Variants in ABCC9 observed in about 807,000 individuals in gnomAD.
ABCC9 encodes ATP-binding cassette sub-family C member 9.
ABCC9 carries 95 observed loss-of-function variants against 188.3 expected under a neutral mutation model. That is an observed-to-expected ratio of 0.50 (90% confidence interval 0.43 to 0.60). The LOEUF (loss-of-function observed/expected upper bound fraction) is 0.60, where lower values mean the gene tolerates loss of function less well. Among genes scored for constraint, ABCC9 ranks in the 20% least tolerant of loss-of-function variants. The pLI is 0.00. For missense variants in ABCC9, 1,102 were observed against 1,876.3 expected (o/e 0.59, Z 7.62); for synonymous variants, 659 against 652.7 (o/e 1.01, Z -0.15).
At chr12:21,801,514 C>T (rs1462583612) in intron 39 of ABCC9, among the ~76,000 whole-genome samples, 1 of 152,034 alleles carries the variant, frequency 6.6e-6, no homozygotes, top group African/African-American at 2.4e-5. Context: ...CATTGTAAAC[C>T]AGTTGGGTTA....
intron 22 of ABCC9, 66 bp from the exon 23 acceptor site, chr12:21,852,571 C>T (rs1304156269): frequency 3.2e-6 from 5 of 1,566,210 alleles, no homozygotes; most frequent in Non-Finnish European, 2.6e-6. Context: ...CAATTCCTCT[C>T]GAAAATAGTA....
At chr12:21,891,262 A>G (rs529700847) in intron 14 of ABCC9, among the ~76,000 whole-genome samples, 67 of 152,342 alleles carry the variant, frequency 4.4e-4, no homozygotes, top group African/African-American at 1.5e-3. Context: ...GAGATGAGTA[A>G]AATGGTGGTA....
At chr12:21,807,679 A>C (rs369599956) in intron 37 of ABCC9, among the ~76,000 whole-genome samples, 200 bp from the exon 38 acceptor site, 1 of 152,212 alleles carries the variant, frequency 6.6e-6, no homozygotes, top group African/African-American at 2.4e-5. Flanking sequence ...CTCATTTATG[A>C]CAATAGGTAG....
rs2137919655 is a variant in ABCC9, at chr12:21,915,649, A to T, written c.816+19T>A. 1.2e-6 allele frequency: 2 copies of T among 1,610,800 alleles called. No individual in the cohort carries two copies. Among genetic ancestry groups the T allele is most frequent in the East Asian group, 4.5e-5 (2 of 44,714 alleles). On this transcript the variant is annotated intron_variant, in intron 7 of 39. Transcript: ENST00000261200. ...CCATTCTCTGTAATTAAGCACATGG[A>T]AGACAGACGCTAAATCACCTTTTGT...
chr12:21,818,666 G>T (rs181951764), intron 31 of ABCC9, among the ~76,000 whole-genome samples: 620 of 125,194 alleles, frequency 5.0e-3, no homozygotes, highest in African/African-American at 0.018. Context: ...TTTTTTTTCC[G>T]ACTTTCTACT....
chr12:21,910,115 T>A, intron 10 of ABCC9, 42 bp downstream of exon 10: 1 of 1,565,220 alleles, frequency 6.4e-7, no homozygotes. Flanking sequence ...TTTGTTTTAT[T>A]TCCTCTGCAG....
chr12:21,889,378 T>A (rs1049976117), intron 14 of ABCC9, among the ~76,000 whole-genome samples: 2 of 152,196 alleles, frequency 1.3e-5, no homozygotes, highest in African/African-American at 4.8e-5. Context: ...TTATTTCTTC[T>A]TCACTTTTAC....
chr12:21,935,249 T>TA (rs1208993179), intron 3 of ABCC9, among the ~76,000 whole-genome samples: 2 of 152,174 alleles, frequency 1.3e-5, no homozygotes, highest in East Asian at 3.9e-4. Context: ...TCCATTTTTC[T>TA]ACTTTTGGCC....
rs1257938075 is a variant in ABCC9, at chr12:21,941,021, C to G, written c.-137+179G>C. ...ACCTGATCCCCACCCCTTCACTTCTCGAGCCGGGCCTCGTCCCTTAATTCT... is the reference window on the plus strand; with the variant it reads ...ACCTGATCCCCACCCCTTCACTTCTGGAGCCGGGCCTCGTCCCTTAATTCT... On this transcript the variant is annotated intron_variant, in intron 1 of 39. Transcript: ENST00000261200. The surrounding 1 kb of genome is among the most constrained non-coding windows in gnomAD (Gnocchi z 5.4). Among the ~76,000 whole-genome samples the G allele has an allele frequency of 1.3e-5, 2 of 152,308 alleles. No individual in the cohort carries two copies. The highest frequency in any genetic ancestry group is 2.1e-4 in the South Asian group (1 of 4,824).
chr12:21,838,209 C>T (rs1201741738), intron 29 of ABCC9, 39 bp from the exon 30 acceptor site: 1 of 1,337,224 alleles, frequency 7.5e-7, no homozygotes, highest in Non-Finnish European at 1.1e-6. Flanking sequence ...TCATGTGCAT[C>T]CAGACTCAAA....
intron 2 of ABCC9, among the ~76,000 whole-genome samples, chr12:21,938,979 T>C (rs1356924498): frequency 1.3e-5 from 2 of 152,232 alleles, no homozygotes; most frequent in Admixed American, 6.5e-5. Context: ...AACTACGTGC[T>C]AGTTACTAGG....
chr12:21,920,263 AAAAAG>A (rs1222000270), intron 5 of ABCC9, among the ~76,000 whole-genome samples: 1 of 152,064 alleles, frequency 6.6e-6, no homozygotes, highest in African/African-American at 2.4e-5. Context: ...AAGAAAAAGA[AAAAAG>A]AAGGCATAAA....
At chr12:21,886,109 ACTTC>A (rs942827854) in intron 15 of ABCC9, among the ~76,000 whole-genome samples, 10 of 152,156 alleles carry the variant, frequency 6.6e-5, no homozygotes, top group Admixed American at 2.0e-4. Context: ...TTTTTTAGAC[ACTTC>A]CTTCAAGAAA....
chr12:21,910,404 T>A lies in ABCC9; in HGVS notation c.1165-92A>T, dbSNP rs113262083. Reference sequence around the variant, plus strand: ...CTGAAAATAAATAACAAACATTTAATTTTTTTGAGAAAAAAGAAAAGAAAA... The same window carrying A: ...CTGAAAATAAATAACAAACATTTAAATTTTTTGAGAAAAAAGAAAAGAAAA... On this transcript the variant is annotated intron_variant, in intron 9 of 39. Transcript: ENST00000261200. 3.8e-5 allele frequency: 49 copies of A among 1,297,492 alleles called. 1 individual carries two copies. In the South Asian group the frequency reaches 6.5e-4, roughly 17 times the overall value. 80.4% of individuals were successfully genotyped at this position (1,297,492 alleles called of 1,614,324 possible).
intron 31 of ABCC9, among the ~76,000 whole-genome samples, chr12:21,819,063 A>G (rs1412528170): frequency 6.6e-6 from 1 of 152,170 alleles, no homozygotes; most frequent in African/African-American, 2.4e-5. Context: ...ACAATTCTTT[A>G]ATAACAGCCA....
chr12:21,872,742 A>G lies in ABCC9; in HGVS notation c.2093-12T>C. The stretch of plus-strand genomic sequence containing the variant: ...CATGGTTAACTGACCTAGGAAAGCA[A>G]AACAAAGGATAACTACAGAATGAGA... On this transcript the variant is annotated splice_polypyrimidine_tract_variant and intron_variant, in intron 17 of 39. Transcript: ENST00000261200. The G allele has an allele frequency of 6.4e-7, 1 of 1,566,614 alleles. No homozygotes were observed. Among genetic ancestry groups the G allele is most frequent in the Non-Finnish European group, 8.8e-7 (1 of 1,136,726 alleles).
intron 22 of ABCC9, among the ~76,000 whole-genome samples, chr12:21,853,517 T>C (rs894769167): frequency 1.3e-5 from 2 of 152,206 alleles, no homozygotes; most frequent in East Asian, 3.9e-4. Context: ...TGATGACAGT[T>C]GTTCTAGGGA....
intron 4 of ABCC9, among the ~76,000 whole-genome samples, chr12:21,927,222 T>C (rs1266300970): frequency 2.0e-5 from 3 of 152,240 alleles, no homozygotes; most frequent in Admixed American, 1.3e-4. Flanking sequence ...ATGGAAGGCT[T>C]TGTATGCCAT....
intron 33 of ABCC9, among the ~76,000 whole-genome samples, 161 bp downstream of exon 33, chr12:21,817,026 A>G (rs1157140888): frequency 6.6e-6 from 1 of 152,182 alleles, no homozygotes. Context: ...CTAAATAGTC[A>G]CATCTTTTCC....
Sources: gnomAD v4.1 joint callset for allele counts (sites outside exome capture counted in the v4.1 genomes callset) on GRCh38, gnomAD v4.1.1 for gene constraint, Gnocchi (gnomAD v3.1) non-coding constraint, MANE v1.5 for transcripts, NCBI Gene and HGNC (gene_info 2026-07-23, HGNC 2026-07-21) for gene names.